INTS4: variants seen among roughly 807,000 people sequenced by gnomAD.
The protein encoded by INTS4 is integrator complex subunit 4, also known as MSTP093.
A neutral mutation model predicts 119.5 loss-of-function variants in INTS4; 70 were observed. The ratio of observed to expected loss-of-function variants is 0.59; its 90% confidence interval spans 0.48 to 0.71. INTS4 has a LOEUF of 0.71. INTS4 is among the 30% of genes least tolerant of loss of function. INTS4 has a pLI of 0.00. For missense variants in INTS4, 867 were observed against 1,173.2 expected (o/e 0.74, Z 3.81); for synonymous variants, 316 against 419.6 (o/e 0.75, Z 3.02).
At chr11:77,898,751 A>G (rs1396637981) in intron 18 of INTS4, among the ~76,000 whole-genome samples, 1 of 152,160 alleles carries the variant, frequency 6.6e-6, no homozygotes, top group African/African-American at 2.4e-5. Context: ...CAGGCACGGT[A>G]GCTCACGCCT....
Position 77,922,431 on chromosome 11 carries a change from G to A in INTS4, c.1555C>T (p.Leu519Phe), listed in dbSNP as rs1198220829. 10 of 1,507,564 alleles carry A rather than the reference G, an allele frequency of 6.6e-6. No individual in the cohort carries two copies. Among genetic ancestry groups the A allele is most frequent in the Non-Finnish European group, 8.9e-6 (10 of 1,124,850 alleles). 93.4% of individuals were successfully genotyped at this position (1,507,564 alleles called of 1,614,324 possible). Reference sequence around the variant, plus strand: ...CTCAGAAGCTCTGGCACCAAGGGAAGCACCAGGGTTGGATGCCGACTTCCC... The same window carrying A: ...CTCAGAAGCTCTGGCACCAAGGGAAACACCAGGGTTGGATGCCGACTTCCC... ...FLGSRHPTLV[L>F]PLVPELLSTH... The change falls in exon 13 of 23, where the codon CTT becomes TTT. Residue 519 changes from leucine (L) to phenylalanine (F), a missense_variant. Leu to Phe is a conservative substitution (Grantham distance 22). This residue lies in a region of INTS4 where 51 missense variants were observed against 125.5 expected (regional missense o/e 0.41). Coordinates refer to ENST00000534064, the MANE Select transcript of INTS4 (RefSeq NM_033547.4).
At chr11:77,931,842 G>A (rs542517148) in intron 10 of INTS4, among the ~76,000 whole-genome samples, 3 of 152,278 alleles carry the variant, frequency 2.0e-5, no homozygotes, top group Admixed American at 2.0e-4. Context: ...AACAGGGAAA[G>A]GATTCCCTAT....
chr11:77,933,922 G>A (rs2136509805), intron 10 of INTS4, among the ~76,000 whole-genome samples: 1 of 152,338 alleles, frequency 6.6e-6, no homozygotes, highest in South Asian at 2.1e-4. Context: ...AGCGGGCCAT[G>A]ATGACAATGG....
At chr11:77,906,240 T>C (rs1952949744) in intron 16 of INTS4, among the ~76,000 whole-genome samples, 2 of 152,202 alleles carry the variant, frequency 1.3e-5, no homozygotes, top group African/African-American at 4.8e-5. Flanking sequence ...TTTTGTCATG[T>C]TGTTGTATAA....
Position 77,981,544 on chromosome 11 carries a change from T to A in INTS4, c.279A>T (p.Ala93=), listed in dbSNP as rs201228040. ...ENDPSVRLKI[A]SLLGLLSKTA... is the part of the protein sequence containing the mutation. Reference sequence around the variant, plus strand: ...TCTTTGATAATAAACCCAACAATGATGCAATTTTCAGTCTCACAGATGGAT... The same window carrying A: ...TCTTTGATAATAAACCCAACAATGAAGCAATTTTCAGTCTCACAGATGGAT... The change falls in exon 3 of 23, where the codon GCA becomes GCT. Residue 93 remains alanine (A), a synonymous_variant. Transcript: ENST00000534064. The A allele has an allele frequency of 5.0e-6, 8 of 1,587,008 alleles. No individual in the cohort carries two copies. The African/African-American group carries it at 9.4e-5, about 19-fold the overall frequency.
chr11:77,991,952 C>G (rs1239670064), intron 1 of INTS4, among the ~76,000 whole-genome samples: 1 of 152,030 alleles, frequency 6.6e-6, no homozygotes, highest in Non-Finnish European at 1.5e-5. Context: ...TGACTCCCAA[C>G]TAGCTGGAAT....
At chr11:77,966,612 G>C (rs1411317386) in intron 4 of INTS4, among the ~76,000 whole-genome samples, 1 of 152,052 alleles carries the variant, frequency 6.6e-6, no homozygotes, top group African/African-American at 2.4e-5. Flanking sequence ...TAAATGCATG[G>C]GTTTGTTTCT....
rs778464510 is a variant in INTS4 at position 77,979,066 on chromosome 11, A to G, written c.401T>C (p.Leu134Ser). ...TGGTAGCTTAGTGCCAATTGCAAGC[A>G]AAGTATCCAGCAGTTGAGCTAGGAC... ...HQVLAQLLDT[L>S]LAIGTKLPEN... The change falls in exon 4 of 23, where the codon TTG becomes TCG. Residue 134 changes from leucine (L) to serine (S), a missense_variant. Coordinates refer to ENST00000534064, the MANE Select transcript of INTS4 (RefSeq NM_033547.4). 1 of 1,613,022 alleles carries G rather than the reference A, an allele frequency of 6.2e-7. No homozygotes were observed. Among genetic ancestry groups the G allele is most frequent in the Admixed American group, 1.7e-5 (1 of 59,972 alleles).
chr11:77,951,725 C>T (rs568986372), intron 8 of INTS4, among the ~76,000 whole-genome samples: 1 of 152,252 alleles, frequency 6.6e-6, no homozygotes, highest in African/African-American at 2.4e-5. Flanking sequence ...AGTGAACAGG[C>T]AACCTACAGA....
intron 4 of INTS4, among the ~76,000 whole-genome samples, chr11:77,966,594 G>A (rs899802164): frequency 2.0e-5 from 3 of 152,110 alleles, no homozygotes; most frequent in Non-Finnish European, 4.4e-5. Flanking sequence ...TCAAAAATCA[G>A]CTGACCATAA....
rs540759565 is a variant in INTS4 at position 77,917,312 on chromosome 11, CTTCT to C, written c.1922+1505_1922+1508del. ...CAAATTATATAATATAATATTTTTCCTTCTTTCTTTTTTTTTTTTGAGATGGAGT... is the reference window on the plus strand; with the variant it reads ...CAAATTATATAATATAATATTTTTCCTTCTTTTTTTTTTTTGAGATGGAGT... On this transcript the variant is annotated intron_variant, in intron 15 of 22. Transcript: ENST00000534064. Among the ~76,000 whole-genome samples, 310 of 149,042 alleles carry C rather than the reference CTTCT, an allele frequency of 2.1e-3. 1 individual carries two copies. Among genetic ancestry groups the C allele is most frequent in the Non-Finnish European group, 3.3e-3 (221 of 67,670 alleles).
At chr11:77,960,445 A>G (rs1396551826) in intron 5 of INTS4, 54 bp from the exon 6 acceptor site, 4 of 1,276,600 alleles carry the variant, frequency 3.1e-6, no homozygotes, top group Non-Finnish European at 4.6e-6. Flanking sequence ...CAATATTTCC[A>G]ATGTCTCCCC....
chr11:77,934,640 T>G (rs575138743), intron 10 of INTS4, among the ~76,000 whole-genome samples: 1 of 152,222 alleles, frequency 6.6e-6, no homozygotes, highest in African/African-American at 2.4e-5. Flanking sequence ...AGTGATGAAA[T>G]TCAGTTGTAG....
chr11:77,987,429 T>C (rs1856497932), intron 2 of INTS4: 1 of 240,860 alleles, frequency 4.2e-6, no homozygotes, highest in Non-Finnish European at 8.6e-6. Context: ...TAACAAGCAA[T>C]ATAATGTTAA....
intron 8 of INTS4, among the ~76,000 whole-genome samples, chr11:77,954,293 ATTTT>A (rs796189136): frequency 2.0e-5 from 3 of 149,856 alleles, no homozygotes; most frequent in African/African-American, 7.4e-5. Flanking sequence ...TAAAAAAAAA[ATTTT>A]TTTTTAATTT....
At chr11:77,889,492 C>T (rs549998471) in intron 21 of INTS4, among the ~76,000 whole-genome samples, 18 of 152,184 alleles carry the variant, frequency 1.2e-4, no homozygotes, top group Admixed American at 2.0e-4. Flanking sequence ...CACATGTATA[C>T]AGATGTAACT....
intron 4 of INTS4, chr11:77,978,758 C>T (rs1856059138): frequency 8.8e-6 from 2 of 227,160 alleles, no homozygotes; most frequent in East Asian, 1.8e-4. Flanking sequence ...GAATACAAAG[C>T]ACCATAACAA....
chr11:77,948,666 A>C (rs75596421), intron 8 of INTS4, among the ~76,000 whole-genome samples: 16 of 71,322 alleles, frequency 2.2e-4, no homozygotes, highest in Non-Finnish European at 2.2e-4. Context: ...AAAAAAAAAA[A>C]ACAAAAAAAA....
chr11:77,887,099 A>G (rs1303055809), intron 21 of INTS4, among the ~76,000 whole-genome samples: 1 of 152,106 alleles, frequency 6.6e-6, no homozygotes, highest in Non-Finnish European at 1.5e-5. Flanking sequence ...AACTAAAATC[A>G]GAGCAGAACT....
Sources: gnomAD v4.1 joint callset for allele counts (sites outside exome capture counted in the v4.1 genomes callset) on GRCh38, gnomAD v4.1.1 for gene constraint, gnomAD v4.1.1 regional missense constraint, MANE v1.5 for transcripts, NCBI Gene and HGNC (gene_info 2026-07-23, HGNC 2026-07-21) for gene names.